OSBPL10: variants seen among roughly 807,000 people sequenced by gnomAD.
OSBPL10 encodes oxysterol binding protein like 10.
A neutral mutation model predicts 81.7 loss-of-function variants in OSBPL10; 49 were observed. The ratio of observed to expected loss-of-function variants is 0.60; its 90% CI spans 0.48 to 0.76. The LOEUF is 0.76. Among genes scored for constraint, OSBPL10 ranks in the 30% least tolerant of loss-of-function variants. The pLI is 0.00. For synonymous variants in OSBPL10, 419 were observed against 383.6 expected (o/e 1.09, Z -1.08); for missense variants, 923 against 987.8 (o/e 0.93, Z 0.88).
intron 1 of OSBPL10, among the ~76,000 whole-genome samples, chr3:31,895,491 A>T (rs1280727567): frequency 6.6e-6 from 1 of 152,002 alleles, no homozygotes; most frequent in Non-Finnish European, 1.5e-5. Context: ...CAATTAACTC[A>T]GAATCTCTGG....
intron 5 of OSBPL10, among the ~76,000 whole-genome samples, chr3:31,737,326 T>C (rs1697209137): frequency 6.6e-6 from 1 of 152,092 alleles, no homozygotes; most frequent in African/African-American, 2.4e-5. Context: ...AAAAGGACTG[T>C]ACAGAGCTTG....
At chr3:31,914,907 C>T (rs1696705110) in intron 1 of OSBPL10, among the ~76,000 whole-genome samples, 1 of 152,158 alleles carries the variant, frequency 6.6e-6, no homozygotes, top group South Asian at 2.1e-4. Context: ...CAGCATTACA[C>T]TAGAGTATAA....
intron 3 of OSBPL10, among the ~76,000 whole-genome samples, chr3:31,871,100 C>A (rs529884333): frequency 1.3e-5 from 2 of 152,034 alleles, no homozygotes; most frequent in East Asian, 1.9e-4. Flanking sequence ...GCTGCCCAAA[C>A]CAGCAGTGGC....
At chr3:31,782,499 C>G (rs759264968) in intron 4 of OSBPL10, among the ~76,000 whole-genome samples, 1 of 152,162 alleles carries the variant, frequency 6.6e-6, no homozygotes, top group Non-Finnish European at 1.5e-5. Context: ...GCAGAGTAAA[C>G]AGACAACCCA....
At chr3:31,831,720 AT>A (rs1411873407) in intron 3 of OSBPL10, among the ~76,000 whole-genome samples, 1 of 152,220 alleles carries the variant, frequency 6.6e-6, no homozygotes, top group African/African-American at 2.4e-5. Context: ...ATTGGCAAAA[AT>A]TCAAAAGTCT....
chr3:31,762,843 C>T lies in OSBPL10; in HGVS notation c.730-14723G>A, dbSNP rs114604466. Among the ~76,000 whole-genome samples, 480 of 151,980 alleles carry T rather than the reference C, an allele frequency of 3.2e-3. 2 individuals are homozygous for T. The highest frequency in any genetic ancestry group is 4.2e-3 in the Non-Finnish European group (283 of 67,976). ...AACCATTTGCCCAAATCATAATTTG[C>T]GGATGCGAGGTGTCAGGACTGAAGG... On this transcript the variant is annotated intron_variant, in intron 4 of 11. Transcript: ENST00000396556.
intron 2 of OSBPL10, among the ~76,000 whole-genome samples, chr3:32,020,665 C>T (rs1043207919): frequency 6.6e-6 from 1 of 151,314 alleles, no homozygotes; most frequent in Non-Finnish European, 1.5e-5. Flanking sequence ...TGATTTCATT[C>T]AAGCTTTTAT....
intron 6 of OSBPL10, among the ~76,000 whole-genome samples, chr3:31,724,081 C>A (rs1473410692): frequency 6.6e-6 from 1 of 152,182 alleles, no homozygotes; most frequent in Non-Finnish European, 1.5e-5. Flanking sequence ...ACAATCTCTT[C>A]AACTCTTCAC....
chr3:31,698,275 C>A (rs1695789633), intron 7 of OSBPL10, among the ~76,000 whole-genome samples: 1 of 151,740 alleles, frequency 6.6e-6, no homozygotes, highest in Non-Finnish European at 1.5e-5. Context: ...CATGGTGAAA[C>A]CCCATCTCTA....
chr3:31,777,948 T>C (rs527373071), intron 4 of OSBPL10, among the ~76,000 whole-genome samples: 1 of 152,108 alleles, frequency 6.6e-6, no homozygotes. Flanking sequence ...CTGGGAAAGG[T>C]TGCAGGGTGA....
At chr3:31,869,306 C>G (rs767814520) in intron 3 of OSBPL10, among the ~76,000 whole-genome samples, 19 of 152,174 alleles carry the variant, frequency 1.2e-4, no homozygotes, top group Non-Finnish European at 2.5e-4. Flanking sequence ...CTGAACCCCA[C>G]AATATCATTT....
intron 1 of OSBPL10, among the ~76,000 whole-genome samples, chr3:31,974,501 C>A (rs1000587426): frequency 1.3e-5 from 2 of 152,134 alleles, no homozygotes; most frequent in Non-Finnish European, 2.9e-5. Flanking sequence ...CAAATACCAA[C>A]CTACAATAGA....
At chr3:31,736,410 A>G (rs1420017313) in intron 5 of OSBPL10, among the ~76,000 whole-genome samples, 1 of 152,218 alleles carries the variant, frequency 6.6e-6, no homozygotes. Flanking sequence ...CTAAAGATGC[A>G]CTAATACCAG....
At chr3:31,916,231 C>A (rs1696754690) in intron 1 of OSBPL10, among the ~76,000 whole-genome samples, 5 of 152,128 alleles carry the variant, frequency 3.3e-5, no homozygotes, top group Admixed American at 3.3e-4. Context: ...CATGGATGCA[C>A]TGATACTGGC....
chr3:31,971,058 G>A (rs916096916), intron 1 of OSBPL10, among the ~76,000 whole-genome samples: 2 of 151,058 alleles, frequency 1.3e-5, no homozygotes, highest in African/African-American at 2.4e-5. Context: ...ACTCCCAGGT[G>A]CTTCCTCTGC....
chr3:31,908,664 A>C (rs1696488659), intron 1 of OSBPL10, among the ~76,000 whole-genome samples: 1 of 152,166 alleles, frequency 6.6e-6, no homozygotes, highest in South Asian at 2.1e-4. Context: ...TTGGTTTCCT[A>C]TTACTTCAGG....
chr3:31,710,091 G>A (rs1696203002), intron 6 of OSBPL10, among the ~76,000 whole-genome samples: 2 of 152,192 alleles, frequency 1.3e-5, no homozygotes, highest in South Asian at 2.1e-4. Context: ...AGACAGAGAT[G>A]CACAAAAGGA....
chr3:32,046,572 C>T (rs545441321), exon 2 of OSBPL10: 1 of 152,252 alleles, frequency 6.6e-6, no homozygotes, highest in Non-Finnish European at 1.5e-5. Flanking sequence ...GCTGCAGCAG[C>T]CAGATAGGAA....
At chr3:31,855,593 T>C (rs889030480) in intron 3 of OSBPL10, among the ~76,000 whole-genome samples, 2 of 152,188 alleles carry the variant, frequency 1.3e-5, no homozygotes, top group Non-Finnish European at 2.9e-5. Context: ...TCCAGTACTA[T>C]ATCCTAGTGC....
Sources: gnomAD v4.1 joint callset for allele counts (sites outside exome capture counted in the v4.1 genomes callset) on GRCh38, gnomAD v4.1.1 for gene constraint, MANE v1.5 for transcripts, NCBI Gene and HGNC (gene_info 2026-07-23, HGNC 2026-07-21) for gene names.